Variants in CHSY3 observed in about 807,000 individuals in gnomAD.
CHSY3 encodes chondroitin sulfate synthase 3.
Under a neutral mutation model 67.2 loss-of-function variants are expected in CHSY3, and 35 were observed. That is an observed-to-expected ratio of 0.52 (90% CI 0.40 to 0.69). The LOEUF (loss-of-function observed/expected upper bound fraction) is 0.69, where lower values mean the gene tolerates loss of function less well. Ranked by LOEUF, CHSY3 falls within the 30% of genes least tolerant of loss-of-function variation. The probability of loss-of-function intolerance (pLI) is 0.00; values close to 1 mark genes in which losing one functional copy is unlikely to be tolerated. For synonymous variants in CHSY3, 474 were observed against 434.7 expected, an observed-to-expected ratio of 1.09 and a Z score of -1.12; for missense variants, 1,069 against 1,138.5, an observed-to-expected ratio of 0.94 and a Z score of 0.88.
At chr5:129,982,343 T>C (rs1219760662) in intron 2 of CHSY3, among the ~76,000 whole-genome samples, 2 of 152,072 alleles carry the variant, frequency 1.3e-5, no homozygotes, top group Non-Finnish European at 2.9e-5. Context: ...AATGGTTGCC[T>C]TGGTTTTCCT....
intron 2 of CHSY3, among the ~76,000 whole-genome samples, chr5:130,148,843 G>A (rs187513177): frequency 5.9e-5 from 9 of 152,202 alleles, no homozygotes; most frequent in African/African-American, 1.9e-4. Flanking sequence ...TATTCTGTGG[G>A]TTGTCCGGTG....
At chr5:130,020,359 G>T (rs1764331999) in intron 2 of CHSY3, among the ~76,000 whole-genome samples, 1 of 149,662 alleles carries the variant, frequency 6.7e-6, no homozygotes, top group African/African-American at 2.5e-5. Context: ...GGCAGAGGTT[G>T]TAGTGAGCTG....
At chr5:129,978,912 T>C (rs748766207) in intron 2 of CHSY3, among the ~76,000 whole-genome samples, 2 of 151,926 alleles carry the variant, frequency 1.3e-5, no homozygotes, top group Non-Finnish European at 1.5e-5. Flanking sequence ...AAATTGGTAC[T>C]AATTGGCCGG....
chr5:130,089,832 A>G (rs546344246), intron 2 of CHSY3, among the ~76,000 whole-genome samples: 3 of 152,306 alleles, frequency 2.0e-5, no homozygotes, highest in African/African-American at 7.2e-5. Context: ...GCATCCCTGA[A>G]GTCCTGATGA....
intron 2 of CHSY3, among the ~76,000 whole-genome samples, chr5:130,128,229 GGT>G (rs112570550): frequency 8.3e-4 from 122 of 147,372 alleles, no homozygotes; most frequent in Non-Finnish European, 8.5e-4. Flanking sequence ...AAGAAAATGT[GGT>G]GTGTGTGTGT....
intron 2 of CHSY3, among the ~76,000 whole-genome samples, chr5:130,125,456 C>CAGATAGATAGAT (rs61019717): frequency 7.1e-6 from 1 of 141,114 alleles, no homozygotes; most frequent in Non-Finnish European, 1.6e-5. Flanking sequence ...GATAGATAGA[C>CAGATAGATAGAT]AGACAGACAG....
chr5:130,069,012 A>C (rs763706525), intron 2 of CHSY3, among the ~76,000 whole-genome samples: 1 of 152,072 alleles, frequency 6.6e-6, no homozygotes, highest in Non-Finnish European at 1.5e-5. Flanking sequence ...GTGTTTGTAA[A>C]CATCTTGTCA....
intron 2 of CHSY3, among the ~76,000 whole-genome samples, chr5:129,978,962 G>A (rs1762890290): frequency 6.6e-6 from 1 of 151,806 alleles, no homozygotes; most frequent in Non-Finnish European, 1.5e-5. Context: ...ACTTTGGGAG[G>A]CCGAGGCGGG....
intron 2 of CHSY3, among the ~76,000 whole-genome samples, chr5:129,972,519 C>T (rs1363598200): frequency 6.6e-6 from 1 of 151,124 alleles, no homozygotes; most frequent in Non-Finnish European, 1.5e-5. Flanking sequence ...CTTTTTTTTC[C>T]CCTAAGTAAA....
chr5:129,986,821 T>C (rs1254046019), intron 2 of CHSY3, among the ~76,000 whole-genome samples: 1 of 152,038 alleles, frequency 6.6e-6, no homozygotes, highest in African/African-American at 2.4e-5. Flanking sequence ...TTTTGTATTT[T>C]TTGTAGAGAC....
At chr5:129,991,341 G>C (rs1301543111) in intron 2 of CHSY3, among the ~76,000 whole-genome samples, 1 of 152,150 alleles carries the variant, frequency 6.6e-6, no homozygotes, top group African/African-American at 2.4e-5. Flanking sequence ...TAAAAGCTTT[G>C]AAGATTGATT....
chr5:130,105,253 G>A (rs1580737669), intron 2 of CHSY3, among the ~76,000 whole-genome samples: 1 of 151,654 alleles, frequency 6.6e-6, no homozygotes, highest in East Asian at 1.9e-4. Context: ...AAGAATTTAA[G>A]AACTTCAAAG....
chr5:130,147,914 G>A (rs1338363730), intron 2 of CHSY3, among the ~76,000 whole-genome samples: 1 of 152,084 alleles, frequency 6.6e-6, no homozygotes, highest in East Asian at 1.9e-4. Context: ...AGGTAAACCC[G>A]TGTCATGGGG....
intron 2 of CHSY3, among the ~76,000 whole-genome samples, chr5:130,143,812 AT>A (rs1768983540): frequency 1.5e-5 from 1 of 66,650 alleles, no homozygotes; most frequent in South Asian, 4.9e-4. Context: ...ATATGTGTGT[AT>A]ATATATATAT....
chr5:130,042,353 G>A (rs1031508216), intron 2 of CHSY3, among the ~76,000 whole-genome samples: 3 of 152,032 alleles, frequency 2.0e-5, no homozygotes, highest in African/African-American at 7.2e-5. Flanking sequence ...CCCCCAAACA[G>A]TAATTATTCA....
intron 2 of CHSY3, among the ~76,000 whole-genome samples, chr5:130,049,708 T>C (rs891314949): frequency 2.0e-5 from 3 of 152,048 alleles, no homozygotes; most frequent in African/African-American, 7.2e-5. Flanking sequence ...TGGTACATAA[T>C]TGGGTAGTTT....
Position 130,134,433 on chromosome 5 carries a change from A to T in CHSY3, c.1087-49796A>T, listed in dbSNP as rs188101551. Among the ~76,000 whole-genome samples the T allele has an allele frequency of 7.2e-5, 11 of 152,360 alleles. No individual in the cohort carries two copies. The East Asian group carries it at 2.1e-3, about 29-fold the overall frequency. On this transcript the variant is annotated intron_variant, in intron 2 of 2. Coordinates refer to ENST00000305031, the MANE Select transcript of CHSY3 (RefSeq NM_175856.5). ...ACAATGGCAGGTAATAATCAAAAAC[A>T]TGTAGCATTATTCTGAATCCTGTTG...
chr5:130,134,606 A>G (rs2149715604), intron 2 of CHSY3, among the ~76,000 whole-genome samples: 1 of 152,260 alleles, frequency 6.6e-6, no homozygotes, highest in Middle Eastern at 3.4e-3. Flanking sequence ...AAAACCATTG[A>G]TCATCTTGAA....
intron 2 of CHSY3, among the ~76,000 whole-genome samples, chr5:130,103,491 T>C (rs1406852961): frequency 6.6e-6 from 1 of 152,024 alleles, no homozygotes; most frequent in Non-Finnish European, 1.5e-5. Context: ...GTTATAATTA[T>C]CTTCTTTTTA....
Sources: gnomAD v4.1 joint callset for allele counts (sites outside exome capture counted in the v4.1 genomes callset) on GRCh38, gnomAD v4.1.1 for gene constraint, MANE v1.5 for transcripts, NCBI Gene and HGNC (gene_info 2026-07-23, HGNC 2026-07-21) for gene names.